GPC5: variants seen among roughly 807,000 people sequenced by gnomAD.
GPC5 encodes glypican-5.
Under a neutral mutation model 53.9 loss-of-function variants are expected in GPC5, and 47 were observed. That is an observed-to-expected ratio of 0.87 (90% CI 0.69 to 1.11). The LOEUF is 1.11. GPC5 is among the 50% of genes most tolerant of loss of function. GPC5 has a pLI of 0.00. For missense variants in GPC5, 748 were observed against 713.1 expected, an observed-to-expected ratio of 1.05 and a Z score of -0.56; for synonymous variants, 286 against 263.3, an observed-to-expected ratio of 1.09 and a Z score of -0.84.
intron 7 of GPC5, among the ~76,000 whole-genome samples, chr13:92,381,900 CATATATATGAT>C (rs2043748335): frequency 1.8e-5 from 2 of 111,590 alleles, no homozygotes; most frequent in African/African-American, 7.4e-5. Context: ...TATATATAAT[CATATATATGAT>C]ATATATAATC....
chr13:91,726,870 C>T (rs2036586629), intron 3 of GPC5, among the ~76,000 whole-genome samples: 1 of 152,202 alleles, frequency 6.6e-6, no homozygotes, highest in Admixed American at 6.5e-5. Context: ...AGCGCTTTCC[C>T]TGCTTGGAAG....
intron 7 of GPC5, among the ~76,000 whole-genome samples, chr13:92,261,558 G>C (rs2042767305): frequency 6.6e-6 from 1 of 152,020 alleles, no homozygotes; most frequent in Non-Finnish European, 1.5e-5. Flanking sequence ...TAAGGATTTA[G>C]AAATTGATTT....
At chr13:92,595,952 C>T (rs1027358061) in intron 7 of GPC5, among the ~76,000 whole-genome samples, 3 of 151,918 alleles carry the variant, frequency 2.0e-5, no homozygotes, top group African/African-American at 7.2e-5. Context: ...TATATTGTTA[C>T]TTTTGTCAGT....
At chr13:92,249,772 C>T (rs9523554) in intron 7 of GPC5, among the ~76,000 whole-genome samples, 85,551 of 151,650 alleles carry the variant, frequency 0.56, 24,384 homozygotes, top group South Asian at 0.65. Context: ...TAATTGCTTC[C>T]GTTTTGTCAA....
At chr13:92,708,041 A>G (rs1460048573) in intron 7 of GPC5, among the ~76,000 whole-genome samples, 1 of 152,156 alleles carries the variant, frequency 6.6e-6, no homozygotes, top group Non-Finnish European at 1.5e-5. Context: ...ATTTCCAAAG[A>G]TGGAATGAAG....
At chr13:92,476,688 T>G (rs1319051185) in intron 7 of GPC5, among the ~76,000 whole-genome samples, 62 of 149,196 alleles carry the variant, frequency 4.2e-4, no homozygotes, top group African/African-American at 1.5e-3. Flanking sequence ...ATGTGGCGCA[T>G]ATACACCATG....
rs201769060 is a variant in GPC5 at position 92,818,009 on chromosome 13, A to ATTT, written c.1562-48257_1562-48255dup. 1.1e-3 allele frequency among the ~76,000 whole-genome samples: 150 copies of ATTT among 135,474 alleles called. 1 individual carries two copies. The highest frequency in any genetic ancestry group is 3.5e-3 in the African/African-American group (127 of 36,548). 88.9% of individuals were successfully genotyped at this position (135,474 alleles called of 152,430 possible). A position where few individuals can be genotyped will look rare whatever the true frequency, so the allele number is the denominator to read the frequency against. ...TGGATGGACATCTTGCCTAAATTGCATTTTTTTTTTTTTTTTTTCTTGAGA... is the reference window on the plus strand; with the variant it reads ...TGGATGGACATCTTGCCTAAATTGCATTTTTTTTTTTTTTTTTTTTTCTTGAGA... On this transcript the variant is annotated intron_variant, in intron 7 of 7. Coordinates refer to ENST00000377067, the MANE Select transcript of GPC5 (RefSeq NM_004466.6).
intron 4 of GPC5, among the ~76,000 whole-genome samples, chr13:91,736,874 G>T (rs1226033887): frequency 1.3e-5 from 2 of 151,080 alleles, no homozygotes; most frequent in East Asian, 3.9e-4. Flanking sequence ...GGTTTTGTAA[G>T]GTGGAAATGA....
chr13:92,708,857 C>CTTTTTTT (rs752130758), intron 7 of GPC5, among the ~76,000 whole-genome samples: 489 of 48,184 alleles, frequency 0.01, 185 homozygotes, highest in Non-Finnish European at 0.016. Flanking sequence ...TGGAAACCGC[C>CTTTTTTT]TTTTTTTTTT....
chr13:92,483,188 C>G (rs1486449159), intron 7 of GPC5, among the ~76,000 whole-genome samples: 2 of 152,186 alleles, frequency 1.3e-5, no homozygotes, highest in African/African-American at 2.4e-5. Flanking sequence ...GGTGAGGACA[C>G]AGCCAAACCA....
At chr13:91,836,572 C>T (rs1281752112) in intron 5 of GPC5, among the ~76,000 whole-genome samples, 1 of 151,942 alleles carries the variant, frequency 6.6e-6, no homozygotes, top group Non-Finnish European at 1.5e-5. Flanking sequence ...ATCATGAGTG[C>T]TCATTAATCA....
intron 7 of GPC5, among the ~76,000 whole-genome samples, chr13:92,814,516 C>G (rs1157912842): frequency 1.3e-5 from 2 of 151,530 alleles, no homozygotes; most frequent in African/African-American, 4.9e-5. Context: ...CAAAAATTAG[C>G]CGGGCATGGT....
chr13:92,496,675 AGC>A (rs1285739731), intron 7 of GPC5, among the ~76,000 whole-genome samples: 1 of 152,180 alleles, frequency 6.6e-6, no homozygotes, highest in Non-Finnish European at 1.5e-5. Flanking sequence ...GCCAGCACAA[AGC>A]TTACTAAGCT....
intron 7 of GPC5, among the ~76,000 whole-genome samples, chr13:92,515,774 T>C (rs1880752689): frequency 6.6e-6 from 1 of 152,160 alleles, no homozygotes; most frequent in East Asian, 1.9e-4. Context: ...TTGTGTTCAA[T>C]ATTGAGGAAA....
rs757207442 is a variant in GPC5 at position 91,956,403 on chromosome 13, G to A, written c.1401+48346G>A. Among the ~76,000 whole-genome samples the A allele has an allele frequency of 8.2e-4, 124 of 152,092 alleles. 1 individual carries two copies. Among genetic ancestry groups the A allele is most frequent in the Admixed American group, 1.8e-3 (28 of 15,288 alleles). On this transcript the variant is annotated intron_variant, in intron 6 of 7. Coordinates refer to ENST00000377067, the MANE Select transcript of GPC5 (RefSeq NM_004466.6). ...ATAAGGACCTCTTGGGAGGCACAGG[G>A]TTTTCCTGCCACTGCTGCTGCCATT... is the stretch of plus-strand genomic sequence containing the variant.
At chr13:92,228,292 TTATATAAAA>T in intron 7 of GPC5, among the ~76,000 whole-genome samples, 1 of 151,970 alleles carries the variant, frequency 6.6e-6, no homozygotes, top group Non-Finnish European at 1.5e-5. Context: ...AAACCAATAC[TTATATAAAA>T]CAAAAATATA....
At chr13:91,604,041 C>T (rs1350883752) in intron 2 of GPC5, among the ~76,000 whole-genome samples, 15 of 148,412 alleles carry the variant, frequency 1.0e-4, no homozygotes, top group Admixed American at 7.4e-4. Flanking sequence ...CATGCTGGTG[C>T]GCTGCACCCA....
intron 7 of GPC5, among the ~76,000 whole-genome samples, chr13:92,812,565 C>T (rs1320602746): frequency 6.6e-6 from 1 of 151,692 alleles, no homozygotes; most frequent in Admixed American, 6.6e-5. Context: ...TATGAATTTC[C>T]CACTTTCATC....
At chr13:91,767,360 A>G (rs1168474813) in intron 5 of GPC5, among the ~76,000 whole-genome samples, 2 of 152,240 alleles carry the variant, frequency 1.3e-5, no homozygotes, top group Non-Finnish European at 1.5e-5. Flanking sequence ...ACTGAAAGTT[A>G]AGATACAAAG....
Sources: gnomAD v4.1 joint callset for allele counts (sites outside exome capture counted in the v4.1 genomes callset) on GRCh38, gnomAD v4.1.1 for gene constraint, MANE v1.5 for transcripts, NCBI Gene and HGNC (gene_info 2026-07-23, HGNC 2026-07-21) for gene names.